Variants in FAM240B observed in about 807,000 individuals in gnomAD.
FAM240B encodes protein FAM240B.
chr9:38,706,462 G>A (rs923110176), intron 1 of FAM240B, among the ~76,000 whole-genome samples: 18 of 152,248 alleles, frequency 1.2e-4, no homozygotes, highest in African/African-American at 3.9e-4. Flanking sequence ...GACTTAGAGC[G>A]GTAGAGCTTC....
chr9:38,694,283 G>A lies in FAM240B; in HGVS notation c.*493C>T, dbSNP rs993244601. The stretch of plus-strand genomic sequence containing the variant: ...TTGTTAAATTCTTTTTATAATAATA[G>A]CTTTATTTCTGCAAGCAGTTACATT... On this transcript the variant is annotated 3_prime_UTR_variant, in exon 3 of 3. Coordinates refer to ENST00000637493, the MANE Select transcript of FAM240B (RefSeq NM_001394922.1). 1 of 152,436 alleles carries A rather than the reference G, an allele frequency of 6.6e-6. No homozygotes were observed. The highest frequency in any genetic ancestry group is 2.4e-5 in the African/African-American group (1 of 41,428). The allele number at this position is 152,436 out of a possible 1,614,324, so 9.4% of individuals were successfully genotyped here.
At chr9:38,717,818 T>C (rs1172969445) in intron 1 of FAM240B, among the ~76,000 whole-genome samples, 1 of 152,250 alleles carries the variant, frequency 6.6e-6, no homozygotes, top group Non-Finnish European at 1.5e-5. Context: ...GCAAAGATGC[T>C]CCTTTAAGAC....
chr9:38,707,585 G>A (rs1437531726), intron 1 of FAM240B, among the ~76,000 whole-genome samples: 7 of 144,100 alleles, frequency 4.9e-5, no homozygotes, highest in African/African-American at 1.3e-4. Context: ...TGGCTTACAC[G>A]ATGAAACCCC....
chr9:38,699,964 G>A (rs1023894876), intron 2 of FAM240B, among the ~76,000 whole-genome samples: 3 of 152,192 alleles, frequency 2.0e-5, no homozygotes, highest in East Asian at 1.9e-4. Context: ...CAGGAAGCAT[G>A]CCTTGACAAT....
At chr9:38,706,560 A>G (rs1440704789) in intron 1 of FAM240B, among the ~76,000 whole-genome samples, 1 of 152,156 alleles carries the variant, frequency 6.6e-6, no homozygotes, top group East Asian at 1.9e-4. Context: ...ACCCCCTTCC[A>G]AGAGCCGGCC....
rs1329899926 is a variant in FAM240B at position 38,695,556 on chromosome 9, C to A, written c.144-687G>T. Among the ~76,000 whole-genome samples the A allele has an allele frequency of 2.6e-5, 4 of 152,212 alleles. No individual in the cohort carries two copies. In the South Asian group the frequency reaches 8.3e-4, roughly 32 times the overall value. On this transcript the variant is annotated intron_variant, in intron 2 of 2. Coordinates refer to ENST00000637493, the MANE Select transcript of FAM240B (RefSeq NM_001394922.1). ...AACAACAACAAACCAATGCTTTTTACAAATGAATAAAGAAAAAAATGAATA... is the reference window on the plus strand; with the variant it reads ...AACAACAACAAACCAATGCTTTTTAAAAATGAATAAAGAAAAAAATGAATA...
At chr9:38,703,826 A>C in intron 2 of FAM240B, 31 bp downstream of exon 2, 3 of 399,992 alleles carry the variant, frequency 7.5e-6, no homozygotes, top group Non-Finnish European at 1.3e-5. Context: ...AATCCACTTT[A>C]AAAGTAATAA....
chr9:38,718,081 CT>C (rs1219007667), intron 1 of FAM240B, among the ~76,000 whole-genome samples: 1 of 152,112 alleles, frequency 6.6e-6, no homozygotes, highest in Non-Finnish European at 1.5e-5. Context: ...TGCATTTTGC[CT>C]TTTTCAACTA....
intron 1 of FAM240B, among the ~76,000 whole-genome samples, chr9:38,707,636 A>C (rs7874718): frequency 0.13 from 16,955 of 133,520 alleles, 1,024 homozygotes; most frequent in African/African-American, 0.17. Flanking sequence ...CAAAAAAAAA[A>C]CCAAAAAATT....
At chr9:38,698,632 C>CA (rs1243852738) in intron 2 of FAM240B, among the ~76,000 whole-genome samples, 1 of 152,080 alleles carries the variant, frequency 6.6e-6, no homozygotes, top group Admixed American at 6.5e-5. Flanking sequence ...GTGCTTCCTC[C>CA]AAAAAATCTC....
chr9:38,709,957 G>A (rs961041127), intron 1 of FAM240B, among the ~76,000 whole-genome samples: 5 of 152,206 alleles, frequency 3.3e-5, no homozygotes, highest in Admixed American at 1.3e-4. Context: ...AGGGGAGCGT[G>A]TATGTGCTCT....
At chr9:38,702,756 A>G (rs1821145672) in intron 2 of FAM240B, among the ~76,000 whole-genome samples, 1 of 148,596 alleles carries the variant, frequency 6.7e-6, no homozygotes, top group Non-Finnish European at 1.5e-5. Context: ...CTTGGTACAT[A>G]TTATCCCAGA....
chr9:38,717,302 C>T (rs929282497), intron 1 of FAM240B, among the ~76,000 whole-genome samples: 8 of 152,198 alleles, frequency 5.3e-5, no homozygotes, highest in Non-Finnish European at 1.0e-4. Flanking sequence ...AAGTTTTGGC[C>T]GGGCGCAGTG....
chr9:38,714,173 A>G (rs764120449), intron 1 of FAM240B, among the ~76,000 whole-genome samples: 13 of 152,248 alleles, frequency 8.5e-5, no homozygotes, highest in Non-Finnish European at 1.8e-4. Flanking sequence ...AATTGATAGA[A>G]ATTATTGAAA....
chr9:38,709,239 A>G (rs535505611), intron 1 of FAM240B, among the ~76,000 whole-genome samples: 2 of 152,306 alleles, frequency 1.3e-5, no homozygotes, highest in South Asian at 4.1e-4. Context: ...CTTCTGTAAA[A>G]GAAAGTGCAT....
chr9:38,703,208 T>A (rs1293442647), intron 2 of FAM240B, among the ~76,000 whole-genome samples: 1 of 152,204 alleles, frequency 6.6e-6, no homozygotes, highest in African/African-American at 2.4e-5. Context: ...ATTTTCTGTG[T>A]TTTATGATGT....
chr9:38,696,687 G>A (rs974119673), intron 2 of FAM240B, among the ~76,000 whole-genome samples: 3 of 152,034 alleles, frequency 2.0e-5, no homozygotes, highest in African/African-American at 7.2e-5. Flanking sequence ...GGTGGCGGGC[G>A]CCTGTAATCC....
At chr9:38,695,044 T>G (rs1011569293) in intron 2 of FAM240B, among the ~76,000 whole-genome samples, 175 bp from the exon 3 acceptor site, 1 of 152,160 alleles carries the variant, frequency 6.6e-6, no homozygotes, top group African/African-American at 2.4e-5. Context: ...AGTGAGAACA[T>G]GTGGTGTTTG....
intron 2 of FAM240B, 121 bp from the exon 3 acceptor site, chr9:38,694,990 C>G: frequency 2.5e-6 from 1 of 395,112 alleles, no homozygotes; most frequent in Middle Eastern, 6.3e-4. Flanking sequence ...TGTGTGTTCC[C>G]CTCCCTGTGT....
Sources: gnomAD v4.1 joint callset for allele counts (sites outside exome capture counted in the v4.1 genomes callset) on GRCh38, gnomAD v4.1.1 for gene constraint, MANE v1.5 for transcripts, NCBI Gene and HGNC (gene_info 2026-07-23, HGNC 2026-07-21) for gene names.